The following CFAP299 variants were observed in gnomAD, a reference collection of about 807,000 sequenced individuals.
The protein encoded by CFAP299 is cilia and flagella associated protein 299.
Under a neutral mutation model 27.0 loss-of-function variants are expected in CFAP299, and 21 were observed. That is an observed-to-expected ratio of 0.78 (90% CI 0.55 to 1.12). The LOEUF (loss-of-function observed/expected upper bound fraction) is 1.12. Among genes scored for constraint, CFAP299 ranks in the 50% most tolerant of loss-of-function variants. The pLI is 0.00. For synonymous variants in CFAP299, 104 were observed against 98.1 expected, an observed-to-expected ratio of 1.06 and a Z score of -0.36; for missense variants, 310 against 276.6, an observed-to-expected ratio of 1.12 and a Z score of -0.86.
chr4:80,396,598 T>C (rs987682017), intron 2 of CFAP299, among the ~76,000 whole-genome samples: 2 of 152,160 alleles, frequency 1.3e-5, no homozygotes, highest in African/African-American at 4.8e-5. Context: ...GTGAGCTGCC[T>C]AGTTTGATTT....
chr4:80,383,463 T>C (rs1042544462), intron 2 of CFAP299, among the ~76,000 whole-genome samples: 11 of 152,172 alleles, frequency 7.2e-5, no homozygotes, highest in African/African-American at 1.4e-4. Flanking sequence ...CTAAGATTAA[T>C]TTTTCTTTCA....
intron 3 of CFAP299, among the ~76,000 whole-genome samples, chr4:80,820,163 A>C (rs1471168045): frequency 6.6e-6 from 1 of 152,168 alleles, no homozygotes; most frequent in East Asian, 1.9e-4. Context: ...GTATTTCAAC[A>C]TCCTATAGTG....
At chr4:80,928,612 G>C (rs968514419) in intron 4 of CFAP299, among the ~76,000 whole-genome samples, 10 of 152,054 alleles carry the variant, frequency 6.6e-5, no homozygotes, top group African/African-American at 2.4e-4. Flanking sequence ...TAAAATTTGA[G>C]TTGCCAAGAC....
chr4:80,868,905 CTG>C (rs1184951626), intron 3 of CFAP299, among the ~76,000 whole-genome samples: 4,238 of 137,228 alleles, frequency 0.031, 68 homozygotes, highest in Middle Eastern at 0.058. Context: ...GCTTCTCTCT[CTG>C]TGTGTGTGTG....
chr4:80,943,775 A>G (rs1475251775), intron 4 of CFAP299, among the ~76,000 whole-genome samples: 1 of 152,180 alleles, frequency 6.6e-6, no homozygotes, highest in African/African-American at 2.4e-5. Flanking sequence ...TACAAAATAT[A>G]AAAATAAAAT....
intron 3 of CFAP299, among the ~76,000 whole-genome samples, chr4:80,798,830 C>T (rs72879967): frequency 0.012 from 1,785 of 151,944 alleles, 30 homozygotes; most frequent in African/African-American, 0.037. Flanking sequence ...CTGCCTCTCA[C>T]GAGCAGTGAA....
At chr4:80,799,627 T>C (rs1180016083) in intron 3 of CFAP299, among the ~76,000 whole-genome samples, 8 of 44,178 alleles carry the variant, frequency 1.8e-4, no homozygotes, top group African/African-American at 7.9e-4. Context: ...TATTTATAAA[T>C]ATATAATATA....
the CFAP299 span, among the ~76,000 whole-genome samples, chr4:80,321,753 A>G: frequency 2.6e-5 from 4 of 152,218 alleles, no homozygotes; most frequent in Non-Finnish European, 5.9e-5. Flanking sequence ...ACAGGATGCC[A>G]TCATCCTTCC....
rs1225504235 is a variant in CFAP299 at position 80,381,380 on chromosome 4, A to AT, written c.242+18539dup. Among the ~76,000 whole-genome samples the AT allele has an allele frequency of 3.1e-3, 12 of 3,864 alleles. 6 individuals are homozygous for AT. Among genetic ancestry groups the AT allele is most frequent in the African/African-American group, 3.8e-3 (12 of 3,158 alleles). The allele number at this position is 3,864 out of a possible 152,430, so 2.5% of individuals were successfully genotyped here. A position where few individuals can be genotyped will look rare whatever the true frequency, so the allele number is the denominator to read the frequency against. ...ATTTATAATTACTCTTAACATATAC[A>AT]TTTTTTTTTTTTTTTTTTTTTTTTT... On this transcript the variant is annotated intron_variant, in intron 2 of 5. Coordinates refer to ENST00000358105, the MANE Select transcript of CFAP299 (RefSeq NM_152770.3).
At chr4:80,876,691 A>G (rs1430036508) in intron 4 of CFAP299, among the ~76,000 whole-genome samples, 1 of 152,154 alleles carries the variant, frequency 6.6e-6, no homozygotes, top group East Asian at 1.9e-4. Flanking sequence ...GAAATCCAGG[A>G]CCAAACAGAG....
chr4:80,790,795 G>A (rs528865358), intron 3 of CFAP299, among the ~76,000 whole-genome samples: 7 of 152,076 alleles, frequency 4.6e-5, no homozygotes, highest in East Asian at 1.9e-4. Flanking sequence ...AGAAGTTACC[G>A]GGGAGAATTG....
intron 2 of CFAP299, among the ~76,000 whole-genome samples, chr4:80,577,512 C>T (rs1433243225): frequency 1.4e-5 from 2 of 144,960 alleles, no homozygotes; most frequent in South Asian, 2.2e-4. Context: ...AAGCGATTCT[C>T]CTGCCTCAGC....
chr4:80,878,499 G>C (rs1441038631), intron 4 of CFAP299, among the ~76,000 whole-genome samples: 1 of 151,900 alleles, frequency 6.6e-6, no homozygotes, highest in African/African-American at 2.4e-5. Context: ...TTGACCTGTT[G>C]GTTAAAGAAG....
At chr4:80,470,073 A>G (rs1007885077) in intron 2 of CFAP299, among the ~76,000 whole-genome samples, 1 of 151,948 alleles carries the variant, frequency 6.6e-6, no homozygotes, top group African/African-American at 2.4e-5. Context: ...CTCATTCTCT[A>G]CCTCTCTTTT....
intron 2 of CFAP299, among the ~76,000 whole-genome samples, chr4:80,546,397 A>G (rs1578579850): frequency 6.6e-6 from 1 of 152,308 alleles, no homozygotes; most frequent in Admixed American, 6.5e-5. Flanking sequence ...AAAGAATAAG[A>G]TACCTAGTAA....
intron 3 of CFAP299, among the ~76,000 whole-genome samples, chr4:80,766,919 G>A (rs540043672): frequency 3.9e-4 from 59 of 152,206 alleles, no homozygotes; most frequent in Non-Finnish European, 2.4e-4. Flanking sequence ...TGTATGTAGC[G>A]AAAGAGTAAA....
intron 3 of CFAP299, among the ~76,000 whole-genome samples, chr4:80,620,990 C>T (rs932252175): frequency 1.3e-5 from 2 of 151,962 alleles, no homozygotes; most frequent in African/African-American, 4.8e-5. Flanking sequence ...TTCCAAGTTC[C>T]GCACTTACCT....
At chr4:80,332,013 A>C (rs143301764), upstream of CFAP299, among the ~76,000 whole-genome samples, 2,686 of 152,322 alleles carry the variant, frequency 0.018, 59 homozygotes, top group Admixed American at 0.068. Flanking sequence ...AACCAACCAA[A>C]CAACCAACTA....
chr4:80,936,916 G>A (rs1490446394), intron 4 of CFAP299, among the ~76,000 whole-genome samples: 3 of 152,174 alleles, frequency 2.0e-5, no homozygotes, highest in African/African-American at 7.2e-5. Flanking sequence ...TTCTGCTGCT[G>A]TTGGATGAAA....
Sources: gnomAD v4.1 joint callset for allele counts (sites outside exome capture counted in the v4.1 genomes callset) on GRCh38, gnomAD v4.1.1 for gene constraint, MANE v1.5 for transcripts, NCBI Gene and HGNC (gene_info 2026-07-23, HGNC 2026-07-21) for gene names.